Variants in RARB observed in about 807,000 individuals in gnomAD.
RARB encodes the protein retinoic acid receptor beta, also known as HBV-activated protein.
In RARB, 17 loss-of-function variants were observed where a neutral mutation model predicts 51.9. The observed-to-expected ratio is 0.33, with a 90% CI of 0.22 to 0.49. The LOEUF (loss-of-function observed/expected upper bound fraction) is 0.49. Among genes scored for constraint, RARB ranks in the 20% least tolerant of loss-of-function variants. The pLI, the probability that RARB is intolerant of heterozygous loss-of-function variation, is 0.99. For synonymous variants in RARB, 215 were observed against 195.4 expected, an observed-to-expected ratio of 1.10 and a Z score of -0.84; for missense variants, 369 against 550.8, an observed-to-expected ratio of 0.67 and a Z score of 3.30.
intron 2 of RARB, among the ~76,000 whole-genome samples, chr3:24,955,149 A>C (rs1165521630): frequency 3.9e-5 from 6 of 152,156 alleles, no homozygotes; most frequent in Non-Finnish European, 1.5e-5. Context: ...GATTTTATGA[A>C]GCAGCAGAAG....
At chr3:24,976,541 T>A (rs1696515920) in intron 2 of RARB, among the ~76,000 whole-genome samples, 1 of 152,250 alleles carries the variant, frequency 6.6e-6, no homozygotes, top group South Asian at 2.1e-4. Flanking sequence ...CATTTTTTCA[T>A]GTGTCTGTTG....
At position 25,545,523 on chromosome 3, in the gene RARB, A is replaced by C. The variant is rs113866472; in HGVS notation, c.449-24235A>C. Among the ~76,000 whole-genome samples the C allele has an allele frequency of 1.5e-3, 224 of 152,288 alleles. 2 individuals are homozygous for C. The highest frequency in any genetic ancestry group is 5.1e-3 in the African/African-American group (213 of 41,554). On this transcript the variant is annotated intron_variant, in intron 3 of 7. Coordinates refer to ENST00000330688, the MANE Select transcript of RARB (RefSeq NM_000965.5). Reference sequence around the variant, plus strand: ...CAGTTCTCCTCAGACCCAGCTGGCCATCCAACGTTCACCCGCTCTCCACTC... The same window carrying C: ...CAGTTCTCCTCAGACCCAGCTGGCCCTCCAACGTTCACCCGCTCTCCACTC...
chr3:25,194,557 C>A (rs1701186242), intron 5 of RARB, among the ~76,000 whole-genome samples: 1 of 149,672 alleles, frequency 6.7e-6, no homozygotes, highest in African/African-American at 2.5e-5. Flanking sequence ...ATGTTGTACA[C>A]CTTAAATACA....
chr3:25,026,408 C>T (rs750509091), intron 2 of RARB, among the ~76,000 whole-genome samples: 6 of 152,190 alleles, frequency 3.9e-5, no homozygotes, highest in Non-Finnish European at 7.3e-5. Context: ...TGGTGGGTGT[C>T]GTGTCCTCTG....
intron 1 of RARB, chr3:25,441,278 G>A (rs1037899255): frequency 9.9e-6 from 4 of 402,616 alleles, no homozygotes; most frequent in South Asian, 6.3e-5. Flanking sequence ...CAGTAGCTGC[G>A]CTCTGGAAGC....
chr3:25,356,264 A>G (rs1705730962), intron 5 of RARB, among the ~76,000 whole-genome samples: 1 of 152,176 alleles, frequency 6.6e-6, no homozygotes, highest in Non-Finnish European at 1.5e-5. Context: ...ACCAAAGCTG[A>G]AGTGTTCAGC....
At chr3:25,394,497 A>C (rs549558981) in intron 5 of RARB, among the ~76,000 whole-genome samples, 4 of 152,136 alleles carry the variant, frequency 2.6e-5, no homozygotes, top group Non-Finnish European at 4.4e-5. Context: ...TGAGTGGAGT[A>C]CTGAAGTCCC....
At chr3:25,478,911 T>C (rs74919341) in intron 2 of RARB, among the ~76,000 whole-genome samples, 2,101 of 152,348 alleles carry the variant, frequency 0.014, 45 homozygotes, top group African/African-American at 0.048. Flanking sequence ...CCTTGCGTTT[T>C]CAGGGTGCTG....
chr3:25,512,741 C>A lies in RARB; in HGVS notation c.448+11418C>A, dbSNP rs540682788. ...AAGGAGTGTGTGTGGGTCACTCTTG[C>A]CTCTCCATGCTATGAAGTGTTAGTG... is the stretch of plus-strand genomic sequence containing the variant. On this transcript the variant is annotated intron_variant, in intron 3 of 7. Transcript: ENST00000330688. 7.9e-5 allele frequency among the ~76,000 whole-genome samples: 12 copies of A among 152,278 alleles called. No homozygotes were observed. In the South Asian group the frequency reaches 2.5e-3, roughly 32 times the overall value.
chr3:25,499,316 A>C (rs1348104248), intron 2 of RARB, among the ~76,000 whole-genome samples: 1 of 152,214 alleles, frequency 6.6e-6, no homozygotes, highest in East Asian at 1.9e-4. Flanking sequence ...CATTCAAGAG[A>C]GTAGTTTCTC....
chr3:25,196,422 A>C (rs1015222138), intron 5 of RARB, among the ~76,000 whole-genome samples: 2 of 152,162 alleles, frequency 1.3e-5, no homozygotes, highest in Non-Finnish European at 2.9e-5. Context: ...ATGGCTGCAT[A>C]GTATTCCACA....
chr3:24,913,314 C>T (rs950451693), intron 2 of RARB, among the ~76,000 whole-genome samples: 5 of 151,704 alleles, frequency 3.3e-5, no homozygotes, highest in African/African-American at 1.2e-4. Flanking sequence ...AGAGGGTTTT[C>T]CCACTGAGAT....
intron 5 of RARB, among the ~76,000 whole-genome samples, chr3:25,371,980 C>T (rs923052290): frequency 2.6e-5 from 4 of 152,128 alleles, no homozygotes; most frequent in African/African-American, 9.7e-5. Context: ...GCATTTCAGG[C>T]TCACAGCTGC....
At chr3:24,965,658 C>T (rs1392174110) in intron 2 of RARB, among the ~76,000 whole-genome samples, 1 of 152,128 alleles carries the variant, frequency 6.6e-6, no homozygotes, top group African/African-American at 2.4e-5. Flanking sequence ...AATTTAGTAT[C>T]TGTCTCACAC....
intron 5 of RARB, among the ~76,000 whole-genome samples, chr3:25,264,087 T>G (rs911999805): frequency 2.1e-5 from 3 of 145,336 alleles, no homozygotes; most frequent in Non-Finnish European, 4.5e-5. Flanking sequence ...TAATAATATA[T>G]ATTTCCCACT....
At chr3:25,153,360 T>A (rs75914493) in intron 4 of RARB, among the ~76,000 whole-genome samples, 1 of 152,190 alleles carries the variant, frequency 6.6e-6, no homozygotes, top group Non-Finnish European at 1.5e-5. Context: ...ATGAGCTGTC[T>A]GCCAAAATGT....
Position 25,443,543 on chromosome 3 carries a change from G to T in RARB, c.157+14655G>T, listed in dbSNP as rs550036031. ...AGGAGAATCGCTTAAAACCCGGGAG[G>T]CGGAGGTTGCAGTGAGCCAAGATTG... On this transcript the variant is annotated intron_variant, in intron 1 of 7. Coordinates refer to ENST00000330688, the MANE Select transcript of RARB (RefSeq NM_000965.5). Among the ~76,000 whole-genome samples the T allele has an allele frequency of 8.2e-3, 1,246 of 151,834 alleles. 14 individuals are homozygous for T. Among genetic ancestry groups the T allele is most frequent in the African/African-American group, 0.029 (1,193 of 41,374 alleles).
chr3:24,964,903 T>C (rs192493942), intron 2 of RARB, among the ~76,000 whole-genome samples: 1 of 152,312 alleles, frequency 6.6e-6, no homozygotes, highest in Admixed American at 6.5e-5. Flanking sequence ...GACAGGTTTC[T>C]TAGTTCACAT....
intron 1 of RARB, among the ~76,000 whole-genome samples, chr3:24,834,654 T>G (rs946370853): frequency 6.6e-6 from 1 of 152,174 alleles, no homozygotes; most frequent in Non-Finnish European, 1.5e-5. Flanking sequence ...AATGTAATCA[T>G]GTAAACAAGA....
Sources: allele counts gnomAD v4.1 joint callset (sites outside exome capture counted in the v4.1 genomes callset), GRCh38; gene constraint gnomAD v4.1.1; transcripts MANE v1.5; gene names NCBI Gene and HGNC (gene_info 2026-07-23, HGNC 2026-07-21).